Variants in NTRK3 observed in about 807,000 individuals in gnomAD.
NTRK3 encodes the protein NT-3 growth factor receptor.
A neutral mutation model predicts 91.7 loss-of-function variants in NTRK3; 24 were observed. The ratio of observed to expected loss-of-function variants is 0.26; its 90% CI spans 0.19 to 0.37. The LOEUF (loss-of-function observed/expected upper bound fraction) is 0.37, where lower values mean the gene tolerates loss of function less well. NTRK3 is among the 10% of genes least tolerant of loss of function. The probability of loss-of-function intolerance (pLI) is 1.00; values close to 1 mark genes in which losing one functional copy is unlikely to be tolerated. For missense variants in NTRK3, 880 were observed against 1,068.9 expected (o/e 0.82, Z 2.46); for synonymous variants, 483 against 404.0 (o/e 1.20, Z -2.34).
At chr15:88,090,667 C>A (rs1331289519) in intron 13 of NTRK3, among the ~76,000 whole-genome samples, 3 of 152,138 alleles carry the variant, frequency 2.0e-5, no homozygotes, top group African/African-American at 7.2e-5. Context: ...TGCCAACCTG[C>A]CAGTAACTTC....
intron 3 of NTRK3, among the ~76,000 whole-genome samples, chr15:88,222,067 G>A (rs2050283022): frequency 6.6e-6 from 1 of 152,186 alleles, no homozygotes; most frequent in Admixed American, 6.5e-5. Flanking sequence ...CTCAAAGCAT[G>A]AGCTAGAAAG....
intron 15 of NTRK3, among the ~76,000 whole-genome samples, chr15:87,934,212 C>T (rs541763245): frequency 2.0e-5 from 3 of 152,104 alleles, no homozygotes; most frequent in African/African-American, 4.8e-5. Context: ...TGCAGGTGGG[C>T]GCCCCGATTT....
rs144110476 is a variant in NTRK3, at chr15:88,011,403, T to C, written c.1585+21454A>G. Among the ~76,000 whole-genome samples, 8 of 152,310 alleles carry C rather than the reference T, an allele frequency of 5.3e-5. No individual in the cohort carries two copies. In the South Asian group the frequency reaches 1.5e-3, roughly 28 times the overall value. ...TAAGTCTGTAAGGACTTACAAAATATGCACATTTCCATATTAAACAGGAAG... is the reference window on the plus strand; with the variant it reads ...TAAGTCTGTAAGGACTTACAAAATACGCACATTTCCATATTAAACAGGAAG... On this transcript the variant is annotated intron_variant, in intron 14 of 18. Transcript: ENST00000394480.
chr15:88,166,822 A>C (rs2045007591), intron 5 of NTRK3, among the ~76,000 whole-genome samples: 1 of 152,168 alleles, frequency 6.6e-6, no homozygotes, highest in South Asian at 2.1e-4. Context: ...TGAGCCCCAG[A>C]GTCCTCATGT....
In NTRK3 at chr15:88,237,215, T is replaced by C. The variant is rs2051868144; in HGVS notation, c.248+18691A>G. The stretch of plus-strand genomic sequence containing the variant: ...AGAGTGCCATATTAATTGCAGAGTC[T>C]AGGGCGTAGTTTTATGGATGTTCAC... On this transcript the variant is annotated intron_variant, in intron 3 of 18. Transcript: ENST00000394480. This position sits in a 1 kb window ranked among gnomAD's most constrained non-coding sequence, Gnocchi z 4.0. Among the ~76,000 whole-genome samples the C allele has an allele frequency of 6.6e-6, 1 of 152,200 alleles. No individual in the cohort carries two copies. The highest frequency in any genetic ancestry group is 2.1e-4 in the South Asian group (1 of 4,830).
intron 14 of NTRK3, among the ~76,000 whole-genome samples, chr15:87,981,978 A>G (rs576307451): frequency 6.6e-6 from 1 of 152,328 alleles, no homozygotes; most frequent in South Asian, 2.1e-4. Context: ...TACAACTTCT[A>G]TAAAGAGATA....
At chr15:88,094,196 G>C (rs891721714) in intron 13 of NTRK3, among the ~76,000 whole-genome samples, 1 of 152,172 alleles carries the variant, frequency 6.6e-6, no homozygotes, top group South Asian at 2.1e-4. Flanking sequence ...GCCGGGCGCG[G>C]TGGCTCACGC....
chr15:88,194,393 T>C (rs2047652006), intron 3 of NTRK3, among the ~76,000 whole-genome samples: 1 of 152,246 alleles, frequency 6.6e-6, no homozygotes, highest in Non-Finnish European at 1.5e-5. Flanking sequence ...GCTCCAGATG[T>C]TTAGCTGACA....
At chr15:87,918,444 T>A (rs940127076) in intron 17 of NTRK3, among the ~76,000 whole-genome samples, 1 of 152,230 alleles carries the variant, frequency 6.6e-6, no homozygotes, top group Non-Finnish European at 1.5e-5. Flanking sequence ...CCGTTCTAGA[T>A]CATTCTTCTG....
At chr15:88,188,141 T>G (rs1308038655) in intron 3 of NTRK3, among the ~76,000 whole-genome samples, 2 of 151,890 alleles carry the variant, frequency 1.3e-5, no homozygotes. Context: ...TTCTGCAGAG[T>G]GCATGGTGAT....
chr15:88,089,798 C>A (rs143935699), intron 13 of NTRK3, among the ~76,000 whole-genome samples: 2,220 of 152,272 alleles, frequency 0.015, 48 homozygotes, highest in Middle Eastern at 0.048. Context: ...GCCAGAGTGG[C>A]CCCTTCTAAA....
intron 17 of NTRK3, among the ~76,000 whole-genome samples, chr15:87,888,196 G>A (rs375393546): frequency 1.3e-5 from 2 of 152,254 alleles, no homozygotes; most frequent in East Asian, 1.9e-4. Context: ...GAGGCTGAAA[G>A]TGCTCACGGG....
At chr15:87,885,710 A>G (rs2065494655) in intron 17 of NTRK3, 6 of 1,396,106 alleles carry the variant, frequency 4.3e-6, no homozygotes, top group Non-Finnish European at 4.8e-6. Context: ...CCATATACAA[A>G]AATCATTTCC....
chr15:88,165,703 C>T (rs2044869588), intron 5 of NTRK3, among the ~76,000 whole-genome samples: 1 of 152,214 alleles, frequency 6.6e-6, no homozygotes, highest in South Asian at 2.1e-4. Context: ...GATTTGCTCT[C>T]ATTGACAGAT....
intron 17 of NTRK3, among the ~76,000 whole-genome samples, chr15:87,900,111 TG>T (rs1376345424): frequency 6.6e-6 from 1 of 152,074 alleles, no homozygotes; most frequent in Non-Finnish European, 1.5e-5. Flanking sequence ...CATTTAAAAG[TG>T]GGGATTCAAC....
chr15:87,904,451 C>T (rs899251986), intron 17 of NTRK3, among the ~76,000 whole-genome samples: 1 of 152,186 alleles, frequency 6.6e-6, no homozygotes, highest in African/African-American at 2.4e-5. Flanking sequence ...CCACCACGCC[C>T]AGCCACAATA....
In NTRK3 at chr15:88,243,673, A is replaced by T. The variant is rs779217739; in HGVS notation, c.248+12233T>A. Among the ~76,000 whole-genome samples the T allele has an allele frequency of 1.3e-5, 2 of 152,206 alleles. No homozygotes were observed. The highest frequency in any genetic ancestry group is 2.4e-5 in the African/African-American group (1 of 41,440). On this transcript the variant is annotated intron_variant, in intron 3 of 18. Transcript: ENST00000394480. The surrounding 1 kb of genome is among the most constrained non-coding windows in gnomAD (Gnocchi z 4.8). ...CAACCCCTACATTTCCCAGGTAAAC[A>T]AACTGAGGTTCAGAGATCTGGAGTC...
chr15:87,881,094 T>C (rs1010443100), intron 17 of NTRK3, among the ~76,000 whole-genome samples: 6 of 152,172 alleles, frequency 3.9e-5, no homozygotes, highest in African/African-American at 1.4e-4. Context: ...CCTGTGAATC[T>C]GCCAAACTGA....
chr15:88,135,860 C>A (rs1241876713), intron 9 of NTRK3, 39 bp downstream of exon 9: 1 of 1,611,934 alleles, frequency 6.2e-7, no homozygotes, highest in African/African-American at 1.3e-5. Context: ...GCCAGTTGCC[C>A]CTCACACACA....
Sources: allele counts gnomAD v4.1 joint callset (sites outside exome capture counted in the v4.1 genomes callset), GRCh38; gene constraint gnomAD v4.1.1; non-coding constraint Gnocchi (gnomAD v3.1); transcripts MANE v1.5; gene names NCBI Gene and HGNC (gene_info 2026-07-23, HGNC 2026-07-21).